The following PDE1C variants were observed in gnomAD, a reference collection of about 807,000 sequenced individuals.
PDE1C encodes the protein dual specificity calcium/calmodulin-dependent 3',5'-cyclic nucleotide phosphodiesterase 1C.
A neutral mutation model predicts 93.1 loss-of-function variants in PDE1C; 62 were observed. That is an observed-to-expected ratio of 0.67 (90% CI 0.54 to 0.82). PDE1C has a LOEUF of 0.82. Among genes scored for constraint, PDE1C ranks in the 40% least tolerant of loss-of-function variants. PDE1C has a pLI of 0.00. For missense variants in PDE1C, 742 were observed against 884.6 expected, an observed-to-expected ratio of 0.84 and a Z score of 2.04; for synonymous variants, 325 against 310.1, an observed-to-expected ratio of 1.05 and a Z score of -0.50.
At chr7:31,907,537 T>C (rs1800752552) in intron 2 of PDE1C, among the ~76,000 whole-genome samples, 1 of 152,186 alleles carries the variant, frequency 6.6e-6, no homozygotes, top group Non-Finnish European at 1.5e-5. Flanking sequence ...ATGATAAGCA[T>C]CCTTTTGTTA....
At chr7:31,666,499 T>C in the PDE1C span, among the ~76,000 whole-genome samples, 3 of 150,330 alleles carry the variant, frequency 2.0e-5, no homozygotes, top group Admixed American at 1.3e-4. Flanking sequence ...CACAATTAAC[T>C]TAATACTGTA....
intron 1 of PDE1C, among the ~76,000 whole-genome samples, chr7:32,308,440 T>A (rs1813075106): frequency 6.6e-6 from 1 of 152,246 alleles, no homozygotes; most frequent in African/African-American, 2.4e-5. Flanking sequence ...CCTCCTCAAG[T>A]GGGTCCTTGA....
chr7:32,422,001 C>T (rs73309842), intron 1 of PDE1C, among the ~76,000 whole-genome samples: 5,350 of 152,174 alleles, frequency 0.035, 184 homozygotes, highest in East Asian at 0.11. Context: ...AAAGTGAGCC[C>T]GAGACTTTTC....
intron 1 of PDE1C, among the ~76,000 whole-genome samples, chr7:32,240,617 G>T (rs1374749234): frequency 6.6e-6 from 1 of 152,114 alleles, no homozygotes; most frequent in African/African-American, 2.4e-5. Context: ...ACAGTAAGGG[G>T]CAAAAATTTT....
chr7:32,307,692 C>T (rs1413995967), intron 1 of PDE1C, among the ~76,000 whole-genome samples: 8 of 152,132 alleles, frequency 5.3e-5, no homozygotes, highest in East Asian at 1.9e-4. Context: ...CAGGTTCACA[C>T]GATCAAAGCA....
intron 3 of PDE1C, among the ~76,000 whole-genome samples, chr7:32,137,936 C>A (rs528107624): frequency 6.6e-6 from 1 of 152,046 alleles, no homozygotes; most frequent in African/African-American, 2.4e-5. Context: ...ATTTAGCATA[C>A]CTTTTATGTC....
At chr7:31,964,606 T>C (rs1163690438) in intron 2 of PDE1C, among the ~76,000 whole-genome samples, 4 of 151,920 alleles carry the variant, frequency 2.6e-5, no homozygotes, top group Non-Finnish European at 5.9e-5. Context: ...TTGAAGAGAG[T>C]AGTGGTTCTC....
At chr7:32,266,912 TG>T (rs1183479069) in intron 1 of PDE1C, among the ~76,000 whole-genome samples, 1 of 30,622 alleles carries the variant, frequency 3.3e-5, no homozygotes, top group Admixed American at 4.2e-4. Context: ...GGGGGCGGGG[TG>T]GGGGGGTGCG....
intron 12 of PDE1C, 44 bp downstream of exon 12, chr7:31,828,248 C>T (rs1316148096): frequency 2.0e-6 from 3 of 1,506,454 alleles, no homozygotes; most frequent in East Asian, 2.3e-5. Flanking sequence ...CTTCTACAGG[C>T]TTCCTGCTTT....
intron 1 of PDE1C, among the ~76,000 whole-genome samples, chr7:32,258,702 C>A (rs1386119467): frequency 6.6e-6 from 1 of 152,170 alleles, no homozygotes; most frequent in African/African-American, 2.4e-5. Flanking sequence ...TCCAGGAAAC[C>A]CAGCAGGCAA....
chr7:32,215,323 C>T lies in PDE1C; in HGVS notation c.86-5784G>A, dbSNP rs1248763793. The stretch of plus-strand genomic sequence containing the variant: ...AGAACAGTTTCATCCTGAAACCATT[C>T]CCCCCAACACCCGTTTTGTAGAAAA... On this transcript the variant is annotated intron_variant, in intron 1 of 18. Coordinates refer to the PDE1C transcript ENST00000396193. Among the ~76,000 whole-genome samples, 5 of 152,212 alleles carry T rather than the reference C, an allele frequency of 3.3e-5. No homozygotes were observed. In the East Asian group the frequency reaches 7.7e-4, roughly 24 times the overall value.
chr7:31,975,601 A>G (rs1002349840), intron 2 of PDE1C, among the ~76,000 whole-genome samples: 2 of 152,106 alleles, frequency 1.3e-5, no homozygotes, highest in African/African-American at 2.4e-5. Flanking sequence ...ATGAAAAAGA[A>G]TGTAAGTTTT....
At chr7:32,140,559 C>T (rs2128780018) in intron 3 of PDE1C, among the ~76,000 whole-genome samples, 1 of 152,342 alleles carries the variant, frequency 6.6e-6, no homozygotes, top group African/African-American at 2.4e-5. Flanking sequence ...AAAGCATTCC[C>T]TTCACACTTT....
chr7:32,330,190 T>C (rs1783484017), intron 1 of PDE1C, among the ~76,000 whole-genome samples: 1 of 152,266 alleles, frequency 6.6e-6, no homozygotes, highest in Non-Finnish European at 1.5e-5. Flanking sequence ...ATCCTCACAA[T>C]GACTCTAGAT....
chr7:32,197,012 C>G (rs553158692), intron 2 of PDE1C, among the ~76,000 whole-genome samples: 1 of 152,144 alleles, frequency 6.6e-6, no homozygotes, highest in African/African-American at 2.4e-5. Context: ...GAAACTAACA[C>G]TTTAGGGGTT....
At chr7:31,651,822 AG>A in the PDE1C span, 1 of 692,042 alleles carries the variant, frequency 1.4e-6, no homozygotes, top group Non-Finnish European at 2.5e-6. Context: ...ACACAAATAA[AG>A]ATGACATTCT....
chr7:32,251,298 A>G (rs1809357793), intron 1 of PDE1C, among the ~76,000 whole-genome samples: 1 of 152,070 alleles, frequency 6.6e-6, no homozygotes, highest in Admixed American at 6.5e-5. Flanking sequence ...CTCCCACCCT[A>G]CTTTGACCTG....
chr7:32,034,962 A>G (rs1339508360), intron 2 of PDE1C, among the ~76,000 whole-genome samples: 1 of 152,182 alleles, frequency 6.6e-6, no homozygotes, highest in Non-Finnish European at 1.5e-5. Flanking sequence ...ATGCATCTTC[A>G]AGTAATATTA....
At chr7:32,308,945 T>A (rs1813093839) in intron 1 of PDE1C, among the ~76,000 whole-genome samples, 1 of 151,534 alleles carries the variant, frequency 6.6e-6, no homozygotes, top group African/African-American at 2.4e-5. Context: ...ATGATCAAAC[T>A]ACTCCGAGCT....
Sources: allele counts gnomAD v4.1 joint callset (sites outside exome capture counted in the v4.1 genomes callset), GRCh38; gene constraint gnomAD v4.1.1; transcripts MANE v1.5; gene names NCBI Gene and HGNC (gene_info 2026-07-23, HGNC 2026-07-21).